FNDC3B: variants seen among roughly 807,000 people sequenced by gnomAD.
FNDC3B encodes fibronectin type III domain containing 3B.
In FNDC3B, 12 loss-of-function variants were observed where a neutral mutation model predicts 151.5. The ratio of observed to expected loss-of-function variants is 0.08; its 90% CI spans 0.05 to 0.13. The LOEUF is 0.13. FNDC3B is among the 10% of genes least tolerant of loss of function. The probability of loss-of-function intolerance (pLI) is 1.00; values close to 1 mark genes in which losing one functional copy is unlikely to be tolerated. For synonymous variants in FNDC3B, 528 were observed against 549.0 expected (o/e 0.96, Z 0.54); for missense variants, 1,214 against 1,505.3 (o/e 0.81, Z 3.20).
chr3:172,099,633 C>T (rs2108521435), intron 1 of FNDC3B, among the ~76,000 whole-genome samples: 1 of 152,278 alleles, frequency 6.6e-6, no homozygotes, highest in African/African-American at 2.4e-5. Flanking sequence ...TGGCCCCCAA[C>T]ATCAGTTTTC....
chr3:172,301,834 G>A (rs917998241), intron 9 of FNDC3B: 6 of 152,076 alleles, frequency 3.9e-5, no homozygotes, highest in African/African-American at 1.4e-4. Flanking sequence ...CTCCAGCCTG[G>A]GCAACAGCAG....
chr3:172,255,539 G>A (rs974063645), intron 6 of FNDC3B, among the ~76,000 whole-genome samples: 1 of 152,120 alleles, frequency 6.6e-6, no homozygotes, highest in African/African-American at 2.4e-5. Flanking sequence ...CAAAGTGCTG[G>A]GATGACAAGC....
intron 9 of FNDC3B, among the ~76,000 whole-genome samples, chr3:172,304,101 C>T (rs1277858994): frequency 6.6e-6 from 1 of 152,176 alleles, no homozygotes; most frequent in African/African-American, 2.4e-5. Flanking sequence ...TTACTTTTAT[C>T]CTCACTGCCA....
chr3:172,367,670 C>A (rs1361623042), intron 23 of FNDC3B, among the ~76,000 whole-genome samples: 1 of 152,176 alleles, frequency 6.6e-6, no homozygotes, highest in Non-Finnish European at 1.5e-5. Context: ...GTTATGCTGC[C>A]CTAACAGAAT....
At chr3:172,043,431 C>G (rs140319424) in intron 1 of FNDC3B, among the ~76,000 whole-genome samples, 160 of 152,266 alleles carry the variant, frequency 1.1e-3, no homozygotes, top group African/African-American at 3.7e-3. Context: ...ACTGTAGCCT[C>G]CACCTCCCAG....
intron 11 of FNDC3B, among the ~76,000 whole-genome samples, chr3:172,311,189 C>A (rs951012620): frequency 6.6e-6 from 1 of 152,200 alleles, no homozygotes; most frequent in Admixed American, 6.5e-5. Context: ...TAAAAATTGA[C>A]TGCTTTGTCA....
At chr3:172,048,308 T>C (rs1231898787) in intron 1 of FNDC3B, among the ~76,000 whole-genome samples, 2 of 152,192 alleles carry the variant, frequency 1.3e-5, no homozygotes, top group East Asian at 1.9e-4. Flanking sequence ...ACCTTCTATA[T>C]CTTTTATTGT....
intron 25 of FNDC3B, among the ~76,000 whole-genome samples, chr3:172,387,660 G>A (rs1197933133): frequency 6.6e-6 from 1 of 152,044 alleles, no homozygotes. Context: ...TCCCATACAT[G>A]TACCCATACC....
intron 6 of FNDC3B, among the ~76,000 whole-genome samples, chr3:172,270,304 G>T (rs1239035886): frequency 1.3e-5 from 2 of 152,206 alleles, no homozygotes; most frequent in Non-Finnish European, 2.9e-5. Flanking sequence ...GCTGGGTGAA[G>T]TTTTTATTAA....
chr3:172,233,007 G>T (rs1726966253), intron 4 of FNDC3B, among the ~76,000 whole-genome samples: 1 of 152,120 alleles, frequency 6.6e-6, no homozygotes, highest in Middle Eastern at 3.2e-3. Context: ...GAAATCACAT[G>T]GTGTGAAGGA....
chr3:172,204,203 GACTTCAGCATTC>G (rs1222594918), intron 3 of FNDC3B, among the ~76,000 whole-genome samples: 3 of 152,170 alleles, frequency 2.0e-5, no homozygotes, highest in Non-Finnish European at 4.4e-5. Flanking sequence ...ATTTCTTTCA[GACTTCAGCATTC>G]ACTGTAGCAT....
At chr3:172,102,163 A>G (rs1164347862) in intron 1 of FNDC3B, among the ~76,000 whole-genome samples, 1 of 152,146 alleles carries the variant, frequency 6.6e-6, no homozygotes, top group East Asian at 1.9e-4. Context: ...AAGAGCATGG[A>G]CTTTTCATTA....
At chr3:172,081,893 T>C (rs1197650434) in intron 1 of FNDC3B, among the ~76,000 whole-genome samples, 2 of 152,350 alleles carry the variant, frequency 1.3e-5, no homozygotes, top group East Asian at 3.9e-4. Context: ...TTTATTTCTT[T>C]TAAGGAAAAT....
chr3:172,266,772 T>C (rs1728943685), intron 6 of FNDC3B, among the ~76,000 whole-genome samples: 1 of 152,228 alleles, frequency 6.6e-6, no homozygotes, highest in South Asian at 2.1e-4. Flanking sequence ...CTTATAAGAA[T>C]ACATGTGATC....
intron 11 of FNDC3B, among the ~76,000 whole-genome samples, chr3:172,323,385 T>A (rs1560077783): frequency 6.6e-6 from 1 of 152,042 alleles, no homozygotes; most frequent in Non-Finnish European, 1.5e-5. Context: ...TGGTGGTGCA[T>A]GCCTATAATC....
intron 3 of FNDC3B, among the ~76,000 whole-genome samples, chr3:172,219,937 GTGTT>G (rs1351229029): frequency 1.3e-5 from 2 of 152,194 alleles, no homozygotes; most frequent in African/African-American, 4.8e-5. Context: ...GCCTGTAGAT[GTGTT>G]TGTTTATGTG....
intron 2 of FNDC3B, among the ~76,000 whole-genome samples, chr3:172,132,958 G>C (rs577134856): frequency 6.6e-6 from 1 of 152,120 alleles, no homozygotes; most frequent in Non-Finnish European, 1.5e-5. Flanking sequence ...ATTTAATACT[G>C]TTCATTATTG....
intron 1 of FNDC3B, among the ~76,000 whole-genome samples, chr3:172,105,603 A>C (rs1576867842): frequency 3.8e-5 from 5 of 130,286 alleles, no homozygotes; most frequent in African/African-American, 5.9e-5. Context: ...TTCTTCCCCC[A>C]TTATTATTGT....
intron 3 of FNDC3B, among the ~76,000 whole-genome samples, chr3:172,221,565 A>C (rs191359106): frequency 3.3e-5 from 5 of 152,338 alleles, no homozygotes; most frequent in Admixed American, 3.3e-4. Flanking sequence ...GATGATGTGG[A>C]TGCACACTGA....
Sources: allele counts gnomAD v4.1 joint callset (sites outside exome capture counted in the v4.1 genomes callset), GRCh38; gene constraint gnomAD v4.1.1; transcripts MANE v1.5; gene names NCBI Gene and HGNC (gene_info 2026-07-23, HGNC 2026-07-21).